NHSL1: variants seen among roughly 807,000 people sequenced by gnomAD.
NHSL1 encodes NHS-like protein 1.
A neutral mutation model predicts 95.0 loss-of-function variants in NHSL1; 48 were observed. That is an observed-to-expected ratio of 0.51 (90% CI 0.40 to 0.64). The LOEUF is 0.64. NHSL1 is among the 30% of genes least tolerant of loss of function. The pLI, the probability that NHSL1 is intolerant of heterozygous loss-of-function variation, is 0.00. For missense variants in NHSL1, 1,971 were observed against 2,077.7 expected (o/e 0.95, Z 1.00); for synonymous variants, 783 against 833.9 (o/e 0.94, Z 1.05).
chr6:138,537,805 T>C (rs1782419245), intron 1 of NHSL1, among the ~76,000 whole-genome samples: 1 of 152,130 alleles, frequency 6.6e-6, no homozygotes, highest in South Asian at 2.1e-4. Context: ...AAAGTCAATC[T>C]TGGAGAAAGA....
At chr6:138,474,548 C>T (rs1462140420) in intron 2 of NHSL1, among the ~76,000 whole-genome samples, 23 of 152,020 alleles carry the variant, frequency 1.5e-4, no homozygotes, top group Admixed American at 1.3e-3. Context: ...GTTTACAATT[C>T]AGAACTGCAA....
chr6:138,580,350 A>G (rs1383584726), intron 1 of NHSL1, among the ~76,000 whole-genome samples: 4 of 152,220 alleles, frequency 2.6e-5, no homozygotes, highest in African/African-American at 9.7e-5. Flanking sequence ...CTGCAAAAAA[A>G]GAAATACAAG....
At chr6:138,461,287 A>C (rs897364522) in intron 3 of NHSL1, among the ~76,000 whole-genome samples, 1 of 152,228 alleles carries the variant, frequency 6.6e-6, no homozygotes, top group African/African-American at 2.4e-5. Flanking sequence ...ACATTTAGGA[A>C]ACATCAATGC....
At chr6:138,624,959 T>C (rs147227001) in intron 1 of NHSL1, among the ~76,000 whole-genome samples, 1 of 152,206 alleles carries the variant, frequency 6.6e-6, no homozygotes, top group Non-Finnish European at 1.5e-5. Flanking sequence ...ATTAAAGAAC[T>C]CTTTTAGTTT....
chr6:138,571,984 G>C, exon 1 of NHSL1: 1 of 1,284,520 alleles, frequency 7.8e-7, no homozygotes, highest in Non-Finnish European at 1.1e-6. Flanking sequence ...CGTTGGCCCA[G>C]GTCCTCTCCA....
At chr6:138,572,675 G>A (rs927931692), upstream of NHSL1, 4 of 152,222 alleles carry the variant, frequency 2.6e-5, no homozygotes, top group Non-Finnish European at 5.9e-5. Context: ...AGAAAACCCC[G>A]CCTCTCCACA....
intron 1 of NHSL1, among the ~76,000 whole-genome samples, chr6:138,682,673 T>A (rs759605740): frequency 1.3e-5 from 2 of 149,524 alleles, no homozygotes; most frequent in Non-Finnish European, 3.0e-5. Context: ...CCGCCCTGAA[T>A]AAACAAGATG....
chr6:138,590,912 A>C (rs1394627494), intron 1 of NHSL1, among the ~76,000 whole-genome samples: 1 of 152,198 alleles, frequency 6.6e-6, no homozygotes, highest in African/African-American at 2.4e-5. Flanking sequence ...CCCTCTCAAA[A>C]ATATGCTGGA....
rs544732539 is a variant in NHSL1 at position 138,637,536 on chromosome 6, C to T, written c.96+54940G>A. On this transcript the variant is annotated intron_variant, in intron 1 of 3. Coordinates refer to the NHSL1 transcript ENST00000491526. ...ATAACCAGAATATGTAAGGAACCCA[C>T]CTCTATCAGCAAAAAATCTAATCCG... Among the ~76,000 whole-genome samples the T allele has an allele frequency of 1.6e-4, 25 of 152,120 alleles. No homozygotes were observed. The South Asian group carries it at 5.2e-3, about 32-fold the overall frequency.
At chr6:138,617,488 C>G (rs1784596124) in intron 1 of NHSL1, among the ~76,000 whole-genome samples, 1 of 152,206 alleles carries the variant, frequency 6.6e-6, no homozygotes, top group Admixed American at 6.5e-5. Context: ...GCATCAAGTA[C>G]ACTTTCATTT....
At chr6:138,603,362 A>AT (rs1222211278) in intron 1 of NHSL1, among the ~76,000 whole-genome samples, 1 of 152,148 alleles carries the variant, frequency 6.6e-6, no homozygotes, top group South Asian at 2.1e-4. Flanking sequence ...GATTCTGAGC[A>AT]TTTTAAAAAC....
chr6:138,434,422 AAGAC>A (rs1353571455), intron 5 of NHSL1, among the ~76,000 whole-genome samples: 2 of 151,946 alleles, frequency 1.3e-5, no homozygotes, highest in Admixed American at 6.6e-5. Flanking sequence ...AAAAAAAAAA[AAGAC>A]AGAAAGAAAG....
In NHSL1 at chr6:138,431,248, C is replaced by T; in HGVS notation, c.3097G>A (p.Asp1033Asn). ...GAATTTGTGAAAGGCGGCCTGGTGT[C>T]TTTCATGAATTTGGGGTCAAGAGGT... The part of the protein sequence containing the change: ...APPLDPKFMK[D>N]TRPPFTNSGQ... The change falls in exon 6 of 8, where the codon GAC becomes AAC. Residue 1033 changes from aspartate (D) to asparagine (N), a missense_variant. Physicochemically the swap from Asp to Asn is conservative, Grantham distance 23. Coordinates refer to ENST00000343505, the MANE Select transcript of NHSL1 (RefSeq NM_001144060.2). This position sits in a 1 kb window ranked among gnomAD's most constrained non-coding sequence, Gnocchi z 4.0. The T allele has an allele frequency of 6.6e-7, 1 of 1,512,874 alleles. No homozygotes were observed. Among genetic ancestry groups the T allele is most frequent in the South Asian group, 1.3e-5 (1 of 77,426 alleles). The allele number at this position is 1,512,874 out of a possible 1,614,324, so 93.7% of individuals were successfully genotyped here. A position where few individuals can be genotyped will look rare whatever the true frequency, so the allele number is the denominator to read the frequency against.
chr6:138,686,796 T>C (rs1384934115), intron 1 of NHSL1, among the ~76,000 whole-genome samples: 1 of 152,220 alleles, frequency 6.6e-6, no homozygotes, highest in Non-Finnish European at 1.5e-5. Context: ...TCAATTTGCC[T>C]GGCCAAAGGA....
At chr6:138,441,147 A>G (rs531967968) in intron 5 of NHSL1, among the ~76,000 whole-genome samples, 12 of 152,316 alleles carry the variant, frequency 7.9e-5, no homozygotes, top group South Asian at 2.1e-4. Flanking sequence ...AAGTAGACTC[A>G]GAGAGACGAA....
At chr6:138,502,967 C>A (rs551393478), upstream of NHSL1, among the ~76,000 whole-genome samples, 1 of 152,334 alleles carries the variant, frequency 6.6e-6, no homozygotes, top group Non-Finnish European at 1.5e-5. Context: ...ATCAGTGTAG[C>A]AGACCCCATG....
At chr6:138,598,114 ACATCTCTACAAATAATTGTAGAGATACCC>A (rs1178880051) in intron 1 of NHSL1, among the ~76,000 whole-genome samples, 2 of 151,442 alleles carry the variant, frequency 1.3e-5, no homozygotes, top group African/African-American at 2.4e-5. Context: ...AGCTCAGGCA[ACATCTCTACAAATAATTGTAGAGATACCC>A]CATCTCTACA....
At chr6:138,677,587 C>CGGTCA (rs1785463835) in intron 1 of NHSL1, among the ~76,000 whole-genome samples, 1 of 152,136 alleles carries the variant, frequency 6.6e-6, no homozygotes, top group African/African-American at 2.4e-5. Flanking sequence ...AAGTACTGTC[C>CGGTCA]TGACCAGAGG....
At chr6:138,592,380 C>A (rs1784242805) in intron 1 of NHSL1, among the ~76,000 whole-genome samples, 1 of 152,154 alleles carries the variant, frequency 6.6e-6, no homozygotes, top group African/African-American at 2.4e-5. Context: ...GGGTGGATCA[C>A]TTGAGGCCAG....
Sources: allele counts gnomAD v4.1 joint callset (sites outside exome capture counted in the v4.1 genomes callset), GRCh38; gene constraint gnomAD v4.1.1; non-coding constraint Gnocchi (gnomAD v3.1); transcripts MANE v1.5; gene names NCBI Gene and HGNC (gene_info 2026-07-23, HGNC 2026-07-21).